Variants in BCORL1 observed in about 807,000 individuals in gnomAD.
The protein encoded by BCORL1 is BCL-6 corepressor-like protein 1.
Under a neutral mutation model 87.6 loss-of-function variants are expected in BCORL1, and 7 were observed. The observed-to-expected ratio is 0.08, with a 90% confidence interval of 0.05 to 0.15. The LOEUF (loss-of-function observed/expected upper bound fraction) is 0.15, where lower values mean the gene tolerates loss of function less well. Among genes scored for constraint, BCORL1 ranks in the 10% least tolerant of loss-of-function variants. The pLI, the probability that BCORL1 is intolerant of heterozygous loss-of-function variation, is 1.00. For synonymous variants in BCORL1, 591 were observed against 634.4 expected (o/e 0.93, Z 1.03); for missense variants, 1,215 against 1,499.7 (o/e 0.81, Z 3.13).
chrX:129,986,612 A>G (rs1926644034), intron 1 of BCORL1, among the ~76,000 whole-genome samples: 2 of 111,621 alleles, frequency 1.8e-5, no homozygotes, highest in South Asian at 3.8e-4. Flanking sequence ...TGAGGTCAGG[A>G]GTTCAAGACC....
chrX:130,014,999 C>T lies in BCORL1; in HGVS notation c.2227C>T (p.Arg743Cys), dbSNP rs201691382. ...DPNLGLNRDP[R>C]HLPKQEPISI... ...CAACCTGGGCCTCAACCGTGACCCC[C>T]GCCATCTCCCCAAGCAGGAGCCCAT... Residue 743 changes from arginine (R) to cysteine (C), a missense_variant, in exon 4 of 14, where the codon CGC (arginine) becomes TGC (cysteine). Around this residue, in one of 5 missense-constraint regions of BCORL1, gnomAD observed 861 missense variants for 1,010.0 expected, o/e 0.85. Transcript: ENST00000540052. 2.5e-5 allele frequency: 30 copies of T among 1,209,977 alleles called. No individual in the cohort carries two copies. The Admixed American group carries it at 2.8e-4, about 11-fold the overall frequency.
chrX:130,021,419 C>G (rs554011010), intron 5 of BCORL1: 254 of 344,123 alleles, frequency 7.4e-4, no homozygotes, highest in African/African-American at 6.9e-3. Flanking sequence ...AGTAGCCGAC[C>G]CATTTCCCCG....
chrX:130,028,360 C>T (rs1338275093), intron 7 of BCORL1, among the ~76,000 whole-genome samples: 1 of 110,969 alleles, frequency 9.0e-6, no homozygotes, highest in Non-Finnish European at 1.9e-5. Context: ...TTACCCTTAT[C>T]TTAGGGCTAG....
At chrX:129,980,848 C>A (rs1310547005), upstream of BCORL1, among the ~76,000 whole-genome samples, 2 of 96,009 alleles carry the variant, frequency 2.1e-5, no homozygotes, top group Non-Finnish European at 4.1e-5. Flanking sequence ...GGCTCTGGAC[C>A]GAGCGGTAGG....
At chrX:130,026,737 C>T (rs758517238) in intron 7 of BCORL1, among the ~76,000 whole-genome samples, 16 of 112,934 alleles carry the variant, frequency 1.4e-4, no homozygotes, top group South Asian at 3.6e-4. Flanking sequence ...CCTCCAGTAA[C>T]GCAGAGAACA....
chrX:129,999,566 C>T (rs1252198797), intron 1 of BCORL1, among the ~76,000 whole-genome samples: 1 of 109,898 alleles, frequency 9.1e-6, no homozygotes, highest in Non-Finnish European at 1.9e-5. Flanking sequence ...CCTTGGCCTC[C>T]CAAGGTGCTG....
chrX:130,055,879 G>C lies in BCORL1; in HGVS notation c.5101G>C (p.Asp1701His). 2.5e-6 allele frequency: 3 copies of C among 1,208,486 alleles called. No homozygotes were observed. Among genetic ancestry groups the C allele is most frequent in the Non-Finnish European group, 3.4e-6 (3 of 893,738 alleles). ...RGPCNWFLFS[D>H]VLKRLKLSSR... ...GCCCTGCAACTGGTTCCTCTTTTCC[G>C]ATGTCTTGAAGAGGCTGAAGCTTTC... is the stretch of plus-strand genomic sequence containing the variant. Residue 1701 changes from aspartate to histidine, a missense_variant, in exon 14 of 14, where the codon GAT (aspartate) becomes CAT (histidine). Transcript: ENST00000540052.
rs1362329561 is a variant in BCORL1 at position 130,015,076 on chromosome X, A to T, written c.2304A>T (p.Lys768Asn). The change falls in exon 4 of 14, where the codon AAA (lysine) becomes AAT (asparagine). Residue 768 changes from lysine (K) to asparagine (N), a missense_variant. Lys to Asn is a moderately conservative substitution (Grantham distance 94, BLOSUM62 0). Transcript: ENST00000540052. ...EPKGTGATCG[K>N]KGSQAGAEGQ... ...AGGGCACTGGTGCCACGTGTGGCAAAAAGGGCAGCCAGGCTGGTGCTGAGG... is the reference window on the plus strand; with the variant it reads ...AGGGCACTGGTGCCACGTGTGGCAATAAGGGCAGCCAGGCTGGTGCTGAGG... 8.2e-7 allele frequency: 1 copy of T among 1,212,174 alleles called. No individual in the cohort carries two copies. The highest frequency in any genetic ancestry group is 1.7e-5 in the African/African-American group (1 of 57,916).
At chrX:130,003,003 A>G (rs933610083) in intron 1 of BCORL1, among the ~76,000 whole-genome samples, 11 of 110,045 alleles carry the variant, frequency 1.0e-4, no homozygotes, top group Non-Finnish European at 1.9e-4. Context: ...GGGAGAGAAT[A>G]AAGAGGGCAA....
At position 130,014,192 on chromosome X, in the gene BCORL1, T is replaced by C; in HGVS notation, c.1420T>C (p.Ser474Pro). 1.7e-6 allele frequency: 2 copies of C among 1,210,919 alleles called. No individual in the cohort carries two copies. The highest frequency in any genetic ancestry group is 2.2e-6 in the Non-Finnish European group (2 of 895,166). Residue 474 changes from serine to proline, a missense_variant, in exon 4 of 14, where the codon TCC (serine) becomes CCC (proline). Coordinates refer to ENST00000540052, the MANE Select transcript of BCORL1 (RefSeq NM_001379451.1). ...ACTGCCAACCACTCTAGGGGTTTCC[T>C]CCACTCTTACGCTCCCTGTCCTGCC... ...ATLPTTLGVSSTLTLPVLPSY... is the reference protein window; with the variant it reads ...ATLPTTLGVSPTLTLPVLPSY...
intron 11 of BCORL1, among the ~76,000 whole-genome samples, chrX:130,044,013 C>T (rs926108792): frequency 1.5e-4 from 16 of 104,976 alleles, no homozygotes; most frequent in South Asian, 4.3e-4. Flanking sequence ...CCTCGTGATC[C>T]GCTCGCCTCG....
rs551172262 is a variant in BCORL1, at chrX:130,004,369, C to T, written c.-44-819C>T. ...AAGCGATTCTTGTGCCTCAACCTCC[C>T]GAGTAGCTGGGATTACAGGTGCACA... is the stretch of plus-strand genomic sequence containing the variant. On this transcript the variant is annotated intron_variant, in intron 1 of 13. Transcript: ENST00000540052. 8.3e-5 allele frequency among the ~76,000 whole-genome samples: 9 copies of T among 108,491 alleles called. No homozygotes were observed. In the South Asian group the frequency reaches 3.6e-3, roughly 44 times the overall value. 94.2% of individuals were successfully genotyped at this position (108,491 alleles called of 115,157 possible). A position where few individuals can be genotyped will look rare whatever the true frequency, so the allele number is the denominator to read the frequency against.
Position 130,013,114 on chromosome X carries a change from C to T in BCORL1, c.342C>T (p.Pro114=). The part of the protein sequence containing the change: ...NVAEAEGLLV[P]LSSPGDGLKL... ...CAGAGGCTGAGGGCCTCTTGGTGCC[C>T]CTGAGCAGCCCAGGAGACGGGCTCA... is the stretch of plus-strand genomic sequence containing the variant. The change falls in exon 4 of 14, where the codon CCC becomes CCT. Residue 114 remains proline (P), a synonymous_variant. Transcript: ENST00000540052. 8.3e-7 allele frequency: 1 copy of T among 1,210,316 alleles called. No individual in the cohort carries two copies. The highest frequency in any genetic ancestry group is 1.1e-6 in the Non-Finnish European group (1 of 894,265).
At chrX:130,008,917 C>T (rs935540481) in intron 2 of BCORL1, among the ~76,000 whole-genome samples, 2 of 111,964 alleles carry the variant, frequency 1.8e-5, no homozygotes, top group Admixed American at 1.9e-4. Flanking sequence ...GCTTGCATCC[C>T]TTCTAGGATT....
Position 130,056,173 on chromosome X carries a change from A to G in BCORL1, c.*37A>G, listed in dbSNP as rs1403372951. ...GCCCCTCCTCTTCTTTCTCCTTCCG[A>G]GTTCGCCCTTCCCCCACCTCCTTGT... On this transcript the variant is annotated 3_prime_UTR_variant, in exon 14 of 14. Coordinates refer to ENST00000540052, the MANE Select transcript of BCORL1 (RefSeq NM_001379451.1). 22 of 1,113,153 alleles carry G rather than the reference A, an allele frequency of 2.0e-5. No homozygotes were observed. In the South Asian group the frequency reaches 4.7e-4, roughly 24 times the overall value. The allele number at this position is 1,113,153 out of a possible 1,213,427, so 91.7% of individuals were successfully genotyped here. A position where few individuals can be genotyped will look rare whatever the true frequency, so the allele number is the denominator to read the frequency against.
chrX:130,028,076 A>T (rs1930353956), intron 7 of BCORL1, among the ~76,000 whole-genome samples: 1 of 112,241 alleles, frequency 8.9e-6, no homozygotes, highest in South Asian at 3.7e-4. Context: ...CCAGCTAGGT[A>T]GGCTCATGAT....
chrX:130,006,070 G>A, intron 2 of BCORL1, among the ~76,000 whole-genome samples: 1 of 111,987 alleles, frequency 8.9e-6, no homozygotes, highest in Non-Finnish European at 1.9e-5. Context: ...TGGGCATTCT[G>A]GTGGTCAGCG....
rs1054782498 is a variant in BCORL1, at chrX:130,030,745, A to G, written c.4305+1884A>G. On this transcript the variant is annotated intron_variant, in intron 8 of 13. Coordinates refer to ENST00000540052, the MANE Select transcript of BCORL1 (RefSeq NM_001379451.1). Reference sequence around the variant, plus strand: ...ACTCAGATGGATGGCCCCAGCCCACACAAAGGTAACCAGCGCTCGAGATTC... The same window carrying G: ...ACTCAGATGGATGGCCCCAGCCCACGCAAAGGTAACCAGCGCTCGAGATTC... Among the ~76,000 whole-genome samples the G allele has an allele frequency of 2.9e-5, 3 of 104,267 alleles. No homozygotes were observed. In the South Asian group the frequency reaches 1.3e-3, roughly 45 times the overall value. 90.5% of individuals were successfully genotyped at this position (104,267 alleles called of 115,157 possible).
At position 130,014,608 on chromosome X, in the gene BCORL1, C is replaced by T. The variant is rs1205598081; in HGVS notation, c.1836C>T (p.Ala612=). Residue 612 remains alanine, a synonymous_variant, in exon 4 of 14, where the codon GCC becomes GCT. Coordinates refer to ENST00000540052, the MANE Select transcript of BCORL1 (RefSeq NM_001379451.1). The part of the protein sequence containing the change: ...KSPPQLEREM[A]SPPECSEMPL... ...CGCCACAGCTGGAACGAGAGATGGCCTCTCCACCTGAGTGCAGCGAGATGC... is the reference window on the plus strand; with the variant it reads ...CGCCACAGCTGGAACGAGAGATGGCTTCTCCACCTGAGTGCAGCGAGATGC... The T allele has an allele frequency of 8.3e-7, 1 of 1,211,716 alleles. No homozygotes were observed. Among genetic ancestry groups the T allele is most frequent in the Non-Finnish European group, 1.1e-6 (1 of 895,505 alleles).
Sources: gnomAD v4.1 joint callset for allele counts (sites outside exome capture counted in the v4.1 genomes callset) on GRCh38, gnomAD v4.1.1 for gene constraint, gnomAD v4.1.1 regional missense constraint, MANE v1.5 for transcripts, NCBI Gene and HGNC (gene_info 2026-07-23, HGNC 2026-07-21) for gene names.